The following GNAQ variants were observed in gnomAD, a reference collection of about 807,000 sequenced individuals.
GNAQ encodes G protein subunit alpha q, also known as guanine nucleotide-binding protein G(q) subunit alpha.
Under a neutral mutation model 43.9 loss-of-function variants are expected in GNAQ, and 8 were observed. That is an observed-to-expected ratio of 0.18 (90% CI 0.11 to 0.33). The LOEUF (loss-of-function observed/expected upper bound fraction) is 0.33, where lower values mean the gene tolerates loss of function less well. Ranked by LOEUF, GNAQ falls within the 10% of genes least tolerant of loss-of-function variation. GNAQ has a pLI of 1.00. For synonymous variants in GNAQ, 155 were observed against 170.7 expected (o/e 0.91, Z 0.71); for missense variants, 158 against 450.8 (o/e 0.35, Z 5.88).
intron 5 of GNAQ, among the ~76,000 whole-genome samples, chr9:77,775,409 CT>C (rs555902583): frequency 1.1e-3 from 148 of 130,944 alleles, no homozygotes; most frequent in East Asian, 2.0e-3. Flanking sequence ...CCTCATCTCT[CT>C]TTTTTTTTTT....
chr9:78,008,383 G>A (rs1281394216), intron 1 of GNAQ, among the ~76,000 whole-genome samples: 3 of 152,188 alleles, frequency 2.0e-5, no homozygotes, highest in Non-Finnish European at 4.4e-5. Flanking sequence ...ATGGGGGCAA[G>A]GGAGTGGGAT....
chr9:77,954,081 T>C (rs1311665465), intron 1 of GNAQ, among the ~76,000 whole-genome samples: 2 of 152,232 alleles, frequency 1.3e-5, no homozygotes, highest in African/African-American at 4.8e-5. Flanking sequence ...AACTGTTTCA[T>C]TTCCTTATCA....
chr9:77,818,463 A>AG (rs559742290), intron 2 of GNAQ, among the ~76,000 whole-genome samples: 35 of 151,356 alleles, frequency 2.3e-4, no homozygotes, highest in Non-Finnish European at 3.0e-4. Context: ...AAAAAAAAAA[A>AG]GTTCTGTATG....
At chr9:77,957,367 AAAAAACAAAAAC>A (rs575781497) in intron 1 of GNAQ, among the ~76,000 whole-genome samples, 2 of 152,044 alleles carry the variant, frequency 1.3e-5, no homozygotes, top group Admixed American at 6.5e-5. Context: ...AAAAAAAACA[AAAAAACAAAAAC>A]AAAAACAAAA....
At chr9:77,959,366 T>G (rs1823080050) in intron 1 of GNAQ, among the ~76,000 whole-genome samples, 1 of 152,228 alleles carries the variant, frequency 6.6e-6, no homozygotes, top group Admixed American at 6.5e-5. Context: ...ACTTTTATTT[T>G]TATATGTTTT....
intron 6 of GNAQ, among the ~76,000 whole-genome samples, chr9:77,727,087 CTT>C (rs60016428): frequency 0.59 from 82,182 of 139,072 alleles, 24,646 homozygotes; most frequent in Non-Finnish European, 0.69. Flanking sequence ...AATAAATAAA[CTT>C]TTTTTTTTTT....
intron 1 of GNAQ, among the ~76,000 whole-genome samples, chr9:78,015,786 T>C (rs1306575695): frequency 6.6e-6 from 1 of 152,140 alleles, no homozygotes; most frequent in Admixed American, 6.5e-5. Context: ...ATAAAAATTG[T>C]AATTTTAGAA....
chr9:77,735,647 A>T (rs1407581455), intron 5 of GNAQ, among the ~76,000 whole-genome samples: 4 of 152,240 alleles, frequency 2.6e-5, no homozygotes, highest in South Asian at 4.1e-4. Flanking sequence ...TTGAGAATTC[A>T]AAACACATTC....
At chr9:77,979,371 T>TAAA (rs2118489158) in intron 1 of GNAQ, among the ~76,000 whole-genome samples, 2 of 143,974 alleles carry the variant, frequency 1.4e-5, no homozygotes, top group South Asian at 2.2e-4. Context: ...AAAAAAAAAT[T>TAAA]AAATTAAATT....
intron 2 of GNAQ, among the ~76,000 whole-genome samples, chr9:77,836,893 A>G (rs1827396935): frequency 6.6e-6 from 1 of 152,240 alleles, no homozygotes; most frequent in African/African-American, 2.4e-5. Flanking sequence ...CAGGTGGAGT[A>G]GAGATAGGAC....
At chr9:77,845,112 G>A (rs1315345660) in intron 2 of GNAQ, among the ~76,000 whole-genome samples, 20 of 152,122 alleles carry the variant, frequency 1.3e-4, no homozygotes, top group African/African-American at 2.4e-5. Flanking sequence ...TTTCAATACT[G>A]TAACTCGTTG....
At chr9:77,740,797 T>C (rs1825641814) in intron 5 of GNAQ, among the ~76,000 whole-genome samples, 1 of 152,238 alleles carries the variant, frequency 6.6e-6, no homozygotes, top group South Asian at 2.1e-4. Context: ...TAACTAGCAT[T>C]GTTTAGTACA....
intron 3 of GNAQ, among the ~76,000 whole-genome samples, chr9:77,807,735 A>G (rs1826850298): frequency 6.6e-6 from 1 of 152,194 alleles, no homozygotes; most frequent in African/African-American, 2.4e-5. Context: ...AAATAGCATA[A>G]GCAGAATGCT....
intron 1 of GNAQ, among the ~76,000 whole-genome samples, chr9:78,001,121 G>A (rs952761317): frequency 6.6e-6 from 1 of 152,134 alleles, no homozygotes; most frequent in Non-Finnish European, 1.5e-5. Context: ...GAAAGGCCAG[G>A]TACGGTGGCT....
At chr9:77,958,770 G>C (rs961749412) in intron 1 of GNAQ, among the ~76,000 whole-genome samples, 3 of 152,098 alleles carry the variant, frequency 2.0e-5, no homozygotes, top group African/African-American at 4.8e-5. Context: ...GAGCAGTACC[G>C]ACTGTGGCCA....
intron 5 of GNAQ, among the ~76,000 whole-genome samples, chr9:77,732,891 C>T (rs1825518516): frequency 6.6e-6 from 1 of 152,162 alleles, no homozygotes; most frequent in African/African-American, 2.4e-5. Context: ...GAAGTAGGTC[C>T]TGCCTGGGCT....
chr9:77,970,501 C>T (rs1823224659), intron 1 of GNAQ, among the ~76,000 whole-genome samples: 1 of 152,170 alleles, frequency 6.6e-6, no homozygotes, highest in African/African-American at 2.4e-5. Flanking sequence ...CAGTCCTCTT[C>T]CCATTCTGCC....
chr9:77,879,492 C>T (rs1828178133), intron 2 of GNAQ, among the ~76,000 whole-genome samples: 1 of 152,110 alleles, frequency 6.6e-6, no homozygotes, highest in Admixed American at 6.5e-5. Flanking sequence ...TCAAGTGATC[C>T]GCCCACCTTG....
At chr9:77,984,127 T>C (rs1175130894) in intron 1 of GNAQ, among the ~76,000 whole-genome samples, 1 of 149,318 alleles carries the variant, frequency 6.7e-6, no homozygotes, top group East Asian at 2.0e-4. Flanking sequence ...AGCAGAAAGT[T>C]TTTGAATTTT....
Sources: allele counts gnomAD v4.1 joint callset (sites outside exome capture counted in the v4.1 genomes callset), GRCh38; gene constraint gnomAD v4.1.1; transcripts MANE v1.5; gene names NCBI Gene and HGNC (gene_info 2026-07-23, HGNC 2026-07-21).